Variants in COQ7 observed in about 807,000 individuals in gnomAD.
COQ7 encodes the protein coenzyme Q7, hydroxylase.
In COQ7, 21 loss-of-function variants were observed where a neutral mutation model predicts 25.0. The observed-to-expected ratio is 0.84, with a 90% CI of 0.60 to 1.21. COQ7 has a LOEUF of 1.21. COQ7 is among the 50% of genes most tolerant of loss of function. COQ7 has a pLI of 0.00. For missense variants in COQ7, 311 were observed against 296.2 expected (o/e 1.05, Z -0.37); for synonymous variants, 125 against 112.4 (o/e 1.11, Z -0.71).
chr16:19,068,904 A>G (rs144089352), intron 1 of COQ7: 2 of 312,610 alleles, frequency 6.4e-6, no homozygotes, highest in East Asian at 2.1e-4. Context: ...AAAAAAACAA[A>G]CAAATTAAAA....
At chr16:19,083,010 A>G (rs1055899128), downstream of COQ7, among the ~76,000 whole-genome samples, 37 of 152,088 alleles carry the variant, frequency 2.4e-4, no homozygotes, top group Non-Finnish European at 3.8e-4. Context: ...TTTTTGGGTG[A>G]TAAAAATGTT....
intron 1 of COQ7, among the ~76,000 whole-genome samples, chr16:19,070,903 C>T (rs1171582022): frequency 6.6e-6 from 1 of 152,104 alleles, no homozygotes; most frequent in African/African-American, 2.4e-5. Context: ...GGAAAAAAAC[C>T]TTTTGAGTTA....
At chr16:19,083,065 A>C (rs187617303), downstream of COQ7, among the ~76,000 whole-genome samples, 1 of 152,264 alleles carries the variant, frequency 6.6e-6, no homozygotes, top group Admixed American at 6.5e-5. Context: ...AATTTACTGG[A>C]TCATACATGT....
rs1296890166 is a variant in COQ7, at chr16:19,074,176, C to CT, written c.367+142dup. ...TCATATTTTTCCGAGGTTAAATTGA[C>CT]TGCCTTTTTTTGTGTGTGGTTAAAT... On this transcript the variant is annotated intron_variant, in intron 3 of 5. Coordinates refer to ENST00000321998, the MANE Select transcript of COQ7 (RefSeq NM_016138.5). 5.2e-6 allele frequency: 3 copies of CT among 572,766 alleles called. No homozygotes were observed. In the African/African-American group the frequency reaches 5.7e-5, roughly 11 times the overall value. The allele number at this position is 572,766 out of a possible 1,614,324, so 35.5% of individuals were successfully genotyped here. A position where few individuals can be genotyped will look rare whatever the true frequency, so the allele number is the denominator to read the frequency against.
At position 19,078,924 on chromosome 16, in the gene COQ7, T is replaced by C. The variant is rs551492362; in HGVS notation, c.*766T>C. On this transcript the variant is annotated 3_prime_UTR_variant, in exon 6 of 6. Coordinates refer to ENST00000321998, the MANE Select transcript of COQ7 (RefSeq NM_016138.5). ...AGTAAGTCAAAGATCATCGTTTCTG[T>C]TTTGAATTGTGGGTGATAATGGGTG... 7 of 152,220 alleles carry C rather than the reference T, an allele frequency of 4.6e-5. No individual in the cohort carries two copies. Among genetic ancestry groups the C allele is most frequent in the Admixed American group, 3.9e-4 (6 of 15,288 alleles). 9.4% of individuals were successfully genotyped at this position (152,220 alleles called of 1,614,324 possible).
chr16:19,067,978 A>G (rs1490747409), intron 1 of COQ7: 24 of 1,410,552 alleles, frequency 1.7e-5, no homozygotes, highest in Middle Eastern at 5.2e-4. Flanking sequence ...GAGTGACGCA[A>G]TTGCACCCCT....
chr16:19,068,285 C>A (rs35842556), intron 1 of COQ7: 179,681 of 990,288 alleles, frequency 0.18, 16,772 homozygotes, highest in Admixed American at 0.21. Context: ...GAAGGAGCAT[C>A]GAATTTAGAG....
chr16:19,075,688 C>CT (rs756865961), intron 3 of COQ7, 33 bp from the exon 4 acceptor site: 1 of 1,535,822 alleles, frequency 6.5e-7, no homozygotes, highest in South Asian at 1.3e-5. Context: ...ATATCTGTCT[C>CT]TTACTTTTCT....
chr16:19,077,286 G>A lies in COQ7; in HGVS notation c.508-20G>A. The A allele has an allele frequency of 6.2e-7, 1 of 1,611,854 alleles. No individual in the cohort carries two copies. The highest frequency in any genetic ancestry group is 8.5e-7 in the Non-Finnish European group (1 of 1,177,980). On this transcript the variant is annotated intron_variant, in intron 4 of 5. Transcript: ENST00000321998. ...AGAGTTGGAAGGCTAACTTGCTTTG[G>A]TGTCTTTTTATTTAACCAGCTGATA... is the stretch of plus-strand genomic sequence containing the variant.
intron 1 of COQ7, among the ~76,000 whole-genome samples, chr16:19,071,427 C>T (rs138156077): frequency 3.0e-4 from 45 of 152,360 alleles, no homozygotes; most frequent in African/African-American, 9.6e-4. Context: ...TGAGCCACCG[C>T]GCCCGGACAG....
chr16:19,073,862 G>C, intron 2 of COQ7, 59 bp from the exon 3 acceptor site: 1 of 1,268,492 alleles, frequency 7.9e-7, no homozygotes, highest in Admixed American at 1.9e-5. Flanking sequence ...TATGCCGCTT[G>C]GATGAGTGGG....
At chr16:19,067,807 G>C in intron 1 of COQ7, 70 bp downstream of exon 1, 1 of 1,566,134 alleles carries the variant, frequency 6.4e-7, no homozygotes, top group Non-Finnish European at 8.6e-7. Flanking sequence ...TTGAGGTTTG[G>C]GTCGAAGAGG....
intron 3 of COQ7, 101 bp from the exon 4 acceptor site, chr16:19,075,620 C>A: frequency 7.5e-7 from 1 of 1,327,070 alleles, no homozygotes; most frequent in Non-Finnish European, 1.0e-6. Context: ...ATGACCCGGC[C>A]CGATGTCTGG....
chr16:19,075,216 T>C (rs113340509), intron 3 of COQ7, among the ~76,000 whole-genome samples: 20,373 of 149,176 alleles, frequency 0.14, 1,377 homozygotes, highest in South Asian at 0.18. Flanking sequence ...TTTTTTTTTT[T>C]TTTTGAGATG....
chr16:19,068,092 C>T lies in COQ7; in HGVS notation c.73+355C>T, dbSNP rs1261265151. Reference sequence around the variant, plus strand: ...GGAGTCTCTCTCTTTGTAGTCTTTGCCCAGGGCCTTGCCAGGCAAAGGGTA... The same window carrying T: ...GGAGTCTCTCTCTTTGTAGTCTTTGTCCAGGGCCTTGCCAGGCAAAGGGTA... On this transcript the variant is annotated intron_variant, in intron 1 of 5. Coordinates refer to ENST00000321998, the MANE Select transcript of COQ7 (RefSeq NM_016138.5). The T allele has an allele frequency of 6.3e-6, 7 of 1,112,980 alleles. No individual in the cohort carries two copies. In the African/African-American group the frequency reaches 9.9e-5, roughly 16 times the overall value. 68.9% of individuals were successfully genotyped at this position (1,112,980 alleles called of 1,614,324 possible).
rs538204851 is a variant in COQ7 at position 19,079,027 on chromosome 16, G to A, written c.*869G>A. The stretch of plus-strand genomic sequence containing the variant: ...ATCTTCACTCTCAAGTTGATAGAAG[G>A]TGGGGCCCTTGGGAAGTGTGAGGTC... On this transcript the variant is annotated 3_prime_UTR_variant, in exon 6 of 6. Coordinates refer to ENST00000321998, the MANE Select transcript of COQ7 (RefSeq NM_016138.5). 1 of 152,236 alleles carries A rather than the reference G, an allele frequency of 6.6e-6. No individual in the cohort carries two copies. The highest frequency in any genetic ancestry group is 2.4e-5 in the African/African-American group (1 of 41,526). 9.4% of individuals were successfully genotyped at this position (152,236 alleles called of 1,614,324 possible). A position where few individuals can be genotyped will look rare whatever the true frequency, so the allele number is the denominator to read the frequency against.
rs1417108265 is a variant in COQ7 at position 19,078,259 on chromosome 16, G to A, written c.*101G>A. 1 of 765,632 alleles carries A rather than the reference G, an allele frequency of 1.3e-6. No individual in the cohort carries two copies. The highest frequency in any genetic ancestry group is 1.9e-6 in the Non-Finnish European group (1 of 513,978). 47.4% of individuals were successfully genotyped at this position (765,632 alleles called of 1,614,324 possible). A position where few individuals can be genotyped will look rare whatever the true frequency, so the allele number is the denominator to read the frequency against. On this transcript the variant is annotated 3_prime_UTR_variant, in exon 6 of 6. Coordinates refer to ENST00000321998, the MANE Select transcript of COQ7 (RefSeq NM_016138.5). The stretch of plus-strand genomic sequence containing the variant: ...AGTTATCGTTGTACTTTTGTACAAT[G>A]TGAATTTTGTTAATAAATTATAAGG...
chr16:19,075,845 C>T lies in COQ7; in HGVS notation c.492C>T (p.Tyr164=), dbSNP rs34688983. The T allele has an allele frequency of 6.9e-3, 11,125 of 1,614,146 alleles. 57 individuals are homozygous for T. Among genetic ancestry groups the T allele is most frequent in the Middle Eastern group, 0.014 (85 of 6,060 alleles). The stretch of plus-strand genomic sequence containing the variant: ...TGATGGAGGAGGACCCTGAAAAATA[C>T]GAGGAACTTCTTCAGGTATTTATCC... ...RTLMEEDPEK[Y]EELLQLIKKF... Residue 164 remains tyrosine, a synonymous_variant, in exon 4 of 6, where the codon TAC becomes TAT. Transcript: ENST00000321998.
chr16:19,075,979 C>G (rs937184817), intron 4 of COQ7, 119 bp downstream of exon 4: 1 of 1,325,910 alleles, frequency 7.5e-7, no homozygotes, highest in East Asian at 2.5e-5. Context: ...AGGCTCAGGT[C>G]AGTGCCTCAG....
Sources: gnomAD v4.1 joint callset for allele counts (sites outside exome capture counted in the v4.1 genomes callset) on GRCh38, gnomAD v4.1.1 for gene constraint, MANE v1.5 for transcripts, NCBI Gene and HGNC (gene_info 2026-07-23, HGNC 2026-07-21) for gene names.